The following ASMTL variants were observed in gnomAD, a reference collection of about 807,000 sequenced individuals.
ASMTL encodes acetylserotonin O-methyltransferase like, also known as probable bifunctional dTTP/UTP pyrophosphatase/methyltransferase protein.
In ASMTL, 57 loss-of-function variants were observed where a neutral mutation model predicts 60.3. The ratio of observed to expected loss-of-function variants is 0.95; its 90% CI spans 0.76 to 1.18. The LOEUF (loss-of-function observed/expected upper bound fraction) is 1.18, where lower values mean the gene tolerates loss of function less well. Ranked by LOEUF, ASMTL falls within the 50% of genes most tolerant of loss-of-function variation. The pLI is 0.00. For missense variants in ASMTL, 981 were observed against 852.6 expected, an observed-to-expected ratio of 1.15 and a Z score of -1.88; for synonymous variants, 419 against 373.0, an observed-to-expected ratio of 1.12 and a Z score of -1.42.
chrX:1,452,722 C>T, intron 1 of ASMTL, 26 bp downstream of exon 1: 1 of 1,566,196 alleles, frequency 6.4e-7, no homozygotes, highest in Non-Finnish European at 8.6e-7. Context: ...CCCCGGTCCC[C>T]TGCCCCGCCC....
rs1328227182 is a variant in ASMTL at position 1,447,357 on chromosome X, A to C, written c.94-5040T>G. Among the ~76,000 whole-genome samples, 451 of 107,762 alleles carry C rather than the reference A, an allele frequency of 4.2e-3. 1 individual carries two copies. Among genetic ancestry groups the C allele is most frequent in the Non-Finnish European group, 5.7e-3 (282 of 49,824 alleles). The allele number at this position is 107,762 out of a possible 152,430, so 70.7% of individuals were successfully genotyped here. A position where few individuals can be genotyped will look rare whatever the true frequency, so the allele number is the denominator to read the frequency against. ...TAAGCACCACCATCTTGGACACACAACATCTTGGACACACATGGCCATCTT... is the reference window on the plus strand; with the variant it reads ...TAAGCACCACCATCTTGGACACACACCATCTTGGACACACATGGCCATCTT... On this transcript the variant is annotated intron_variant, in intron 1 of 12. Transcript: ENST00000381317.
At chrX:1,424,854 C>T (rs1167825977) in intron 8 of ASMTL, among the ~76,000 whole-genome samples, 1 of 21,664 alleles carries the variant, frequency 4.6e-5, no homozygotes, top group Non-Finnish European at 1.6e-4. Flanking sequence ...ATCTATCCAT[C>T]CACCCACCCA....
At chrX:1,426,984 A>AAAACAT (rs2090630517) in intron 7 of ASMTL, among the ~76,000 whole-genome samples, 1 of 82,448 alleles carries the variant, frequency 1.2e-5, no homozygotes, top group South Asian at 7.1e-4. Flanking sequence ...CTCTGTCTCA[A>AAAACAT]AAACAAAAAC....
In ASMTL at chrX:1,432,762, C is replaced by CAG. The variant is rs2090835170; in HGVS notation, c.401-387_401-386dup. 4.2e-5 allele frequency among the ~76,000 whole-genome samples: 6 copies of CAG among 143,962 alleles called. No individual in the cohort carries two copies. The East Asian group carries it at 6.2e-4, about 15-fold the overall frequency. 94.4% of individuals were successfully genotyped at this position (143,962 alleles called of 152,430 possible). ...GAGAATCGCTTGAACCCGGGAGGTG[C>CAG]AGGTTGCAGTGAGCCGAGATCGCGC... On this transcript the variant is annotated intron_variant, in intron 5 of 12. Transcript: ENST00000381317.
chrX:1,418,892 A>G (rs759417438), intron 10 of ASMTL, 90 bp downstream of exon 10: 243 of 1,534,324 alleles, frequency 1.6e-4, no homozygotes, highest in Non-Finnish European at 2.0e-4. Context: ...TGTCAATGGA[A>G]AAAGGCAGTT....
At chrX:1,442,112 A>G (rs771031455) in intron 2 of ASMTL, 74 bp downstream of exon 2, 17 of 1,546,484 alleles carry the variant, frequency 1.1e-5, no homozygotes, top group Middle Eastern at 2.3e-4. Flanking sequence ...TGTGTCATGT[A>G]TATTTACCAC....
intron 12 of ASMTL, chrX:1,412,523 T>C (rs5989841): frequency 0.43 from 80,513 of 187,388 alleles, 17,556 homozygotes; most frequent in African/African-American, 0.43. Context: ...CCACCACGCC[T>C]GGCTAATTTT....
chrX:1,446,742 G>T (rs776151314), intron 1 of ASMTL, among the ~76,000 whole-genome samples: 1 of 151,940 alleles, frequency 6.6e-6, no homozygotes, highest in African/African-American at 2.4e-5. Context: ...CTCGTGATCC[G>T]CCAACCTCGG....
intron 12 of ASMTL, among the ~76,000 whole-genome samples, chrX:1,411,648 A>ATT (rs2090026504): frequency 2.2e-5 from 1 of 44,836 alleles, no homozygotes; most frequent in African/African-American, 1.2e-4. Context: ...TCATGCGTGG[A>ATT]TTTCCCTCTG....
chrX:1,410,879 G>C (rs1241763492), intron 12 of ASMTL, among the ~76,000 whole-genome samples: 2 of 150,930 alleles, frequency 1.3e-5, no homozygotes, highest in African/African-American at 4.9e-5. Context: ...AGCAGAGTGA[G>C]ACCTCGTCTC....
In ASMTL at chrX:1,439,241, C is replaced by G. The variant is rs375702189; in HGVS notation, c.226-97G>C. On this transcript the variant is annotated intron_variant, in intron 2 of 12. Coordinates refer to ENST00000381317, the MANE Select transcript of ASMTL (RefSeq NM_004192.4). ...CGGGCGTGAAAGAGCACCGCAGGGG[C>G]GAAGCCAGGCCGACTTTGGAAGTGA... 35 of 1,301,116 alleles carry G rather than the reference C, an allele frequency of 2.7e-5. No individual in the cohort carries two copies. The African/African-American group carries it at 4.5e-4, about 17-fold the overall frequency. The allele number at this position is 1,301,116 out of a possible 1,614,324, so 80.6% of individuals were successfully genotyped here.
chrX:1,419,134 TA>T lies in ASMTL; in HGVS notation c.1246-21del. On this transcript the variant is annotated intron_variant, in intron 9 of 12. Transcript: ENST00000381317. ...CGCATCCTGGAACACAGCAGGTGCT[TA>T]GGGGCACCAGAGAACACGGGGCGAG... 4 of 1,609,914 alleles carry T rather than the reference TA, an allele frequency of 2.5e-6. No individual in the cohort carries two copies. The highest frequency in any genetic ancestry group is 3.4e-6 in the Non-Finnish European group (4 of 1,178,980).
chrX:1,418,232 T>C, intron 10 of ASMTL, 116 bp from the exon 11 acceptor site: 4 of 1,254,436 alleles, frequency 3.2e-6, no homozygotes, highest in South Asian at 3.1e-5. Context: ...ATTCCCATGC[T>C]GGAAGGGAAA....
chrX:1,417,859 C>A, intron 11 of ASMTL, 114 bp downstream of exon 11: 2 of 1,369,100 alleles, frequency 1.5e-6, no homozygotes, highest in Admixed American at 2.5e-5. Context: ...CACACATACC[C>A]ACCATGGAAA....
In ASMTL at chrX:1,442,297, G is replaced by A; in HGVS notation, c.114C>T (p.Val38=). The change falls in exon 2 of 13, where the codon GTC becomes GTT. Residue 38 remains valine (V), a synonymous_variant. Transcript: ENST00000381317. The part of the protein sequence containing the change: ...LSNAGLRFEV[V]PSKFKEKLDK... Reference sequence around the variant, plus strand: ...CCAGCTTCTCTTTAAACTTGGAGGGGACCACCTCAAACCTGAGACCCTGCA... The same window carrying A: ...CCAGCTTCTCTTTAAACTTGGAGGGAACCACCTCAAACCTGAGACCCTGCA... The A allele has an allele frequency of 6.2e-7, 1 of 1,613,804 alleles. No homozygotes were observed. The highest frequency in any genetic ancestry group is 8.5e-7 in the Non-Finnish European group (1 of 1,179,838).
intron 1 of ASMTL, among the ~76,000 whole-genome samples, chrX:1,447,522 C>CCACCATCTTGGACACA (rs2091253532): frequency 6.6e-6 from 1 of 151,832 alleles, no homozygotes. Context: ...GGGAGAAGCA[C>CCACCATCTTGGACACA]CACCATCTTG....
At chrX:1,453,136 A>T (rs1456726716), upstream of ASMTL, among the ~76,000 whole-genome samples, 1 of 122,530 alleles carries the variant, frequency 8.2e-6, no homozygotes, top group Admixed American at 8.4e-5. Flanking sequence ...GACCACGCCC[A>T]GACCACGCCT....
At chrX:1,429,660 G>A (rs1461635586) in intron 6 of ASMTL, among the ~76,000 whole-genome samples, 4 of 151,968 alleles carry the variant, frequency 2.6e-5, no homozygotes. Context: ...CGCCAGGCGT[G>A]GCGGTGGGTG....
intron 12 of ASMTL, among the ~76,000 whole-genome samples, chrX:1,404,588 TATAGATG>T (rs1401797596): frequency 8.0e-6 from 1 of 125,286 alleles, no homozygotes; most frequent in Non-Finnish European, 1.7e-5. Context: ...TGGATGGGTG[TATAGATG>T]ATAGATGATG....
Sources: allele counts gnomAD v4.1 joint callset (sites outside exome capture counted in the v4.1 genomes callset), GRCh38; gene constraint gnomAD v4.1.1; transcripts MANE v1.5; gene names NCBI Gene and HGNC (gene_info 2026-07-23, HGNC 2026-07-21).